Variants in AMD1 observed in about 807,000 individuals in gnomAD.
AMD1 encodes S-adenosylmethionine decarboxylase proenzyme.
A neutral mutation model predicts 40.2 loss-of-function variants in AMD1; 11 were observed. That is an observed-to-expected ratio of 0.27 (90% CI 0.17 to 0.45). AMD1 has a LOEUF of 0.45. AMD1 is among the 20% of genes least tolerant of loss of function. The pLI is 1.00. For synonymous variants in AMD1, 121 were observed against 130.8 expected, an observed-to-expected ratio of 0.93 and a Z score of 0.51; for missense variants, 257 against 410.2, an observed-to-expected ratio of 0.63 and a Z score of 3.23.
At chr6:110,815,168 G>T in the AMD1 span, 4 of 1,557,020 alleles carry the variant, frequency 2.6e-6, no homozygotes, top group South Asian at 3.5e-5. Flanking sequence ...CACGGGACGC[G>T]GGGGCCGCCG....
chr6:110,881,754 G>A lies in AMD1; in HGVS notation c.111-5751G>A, dbSNP rs146056462. Among the ~76,000 whole-genome samples the A allele has an allele frequency of 4.1e-3, 617 of 152,076 alleles. 6 individuals carry two copies. The highest frequency in any genetic ancestry group is 0.014 in the African/African-American group (576 of 41,462). On this transcript the variant is annotated intron_variant, in intron 1 of 8. Transcript: ENST00000368885. The stretch of plus-strand genomic sequence containing the variant: ...GCAGGAGACTTGCTTGAACCTGGGA[G>A]GCGGAGTTTGCAGTGAGCTGATAGC...
At chr6:110,857,550 A>C in the AMD1 span, among the ~76,000 whole-genome samples, 1 of 148,564 alleles carries the variant, frequency 6.7e-6, no homozygotes, top group African/African-American at 2.5e-5. Flanking sequence ...AGTTATATAT[A>C]TATAGATGGT....
chr6:110,825,797 A>T, the AMD1 span, among the ~76,000 whole-genome samples: 1 of 152,150 alleles, frequency 6.6e-6, no homozygotes, highest in African/African-American at 2.4e-5. Flanking sequence ...GTGTTCAGAA[A>T]ACAGATTCTA....
the AMD1 span, among the ~76,000 whole-genome samples, chr6:110,821,917 T>G: frequency 6.6e-6 from 1 of 152,058 alleles, no homozygotes; most frequent in African/African-American, 2.4e-5. Flanking sequence ...GAAATAGAGA[T>G]ACAAGAATAA....
chr6:110,860,411 A>G, the AMD1 span, among the ~76,000 whole-genome samples: 2 of 152,366 alleles, frequency 1.3e-5, no homozygotes, highest in South Asian at 2.1e-4. Flanking sequence ...TCAAATAAGA[A>G]GAGTGCAGAA....
intron 1 of AMD1, among the ~76,000 whole-genome samples, chr6:110,886,366 T>C (rs954731222): frequency 6.6e-6 from 1 of 152,094 alleles, no homozygotes; most frequent in African/African-American, 2.4e-5. Context: ...CTCCTGAGCT[T>C]AAGCCATCCC....
At chr6:110,881,824 C>CAAAA (rs11436863) in intron 1 of AMD1, among the ~76,000 whole-genome samples, 1 of 138,874 alleles carries the variant, frequency 7.2e-6, no homozygotes, top group African/African-American at 2.6e-5. Context: ...GACTGCATCT[C>CAAAA]AAAAAAAAAA....
At chr6:110,863,107 G>A in the AMD1 span, among the ~76,000 whole-genome samples, 12 of 151,864 alleles carry the variant, frequency 7.9e-5, no homozygotes, top group African/African-American at 2.9e-4. Flanking sequence ...ACCACGCCCG[G>A]CTAATTTTTT....
rs996024460 is a variant in AMD1, at chr6:110,892,636, C to T, written c.616-99C>T. ...AGCCTAGTACCCATTAGTTATTTTT[C>T]CTGGTCCTCTCCCTTCTCCCACCCT... On this transcript the variant is annotated intron_variant, in intron 6 of 8. Transcript: ENST00000368885. 10 of 1,452,318 alleles carry T rather than the reference C, an allele frequency of 6.9e-6. No homozygotes were observed. In the African/African-American group the frequency reaches 1.4e-4, roughly 20 times the overall value. The allele number at this position is 1,452,318 out of a possible 1,614,324, so 90.0% of individuals were successfully genotyped here.
the AMD1 span, among the ~76,000 whole-genome samples, chr6:110,819,956 C>T: frequency 1.3e-5 from 2 of 152,168 alleles, no homozygotes; most frequent in Admixed American, 6.5e-5. Flanking sequence ...CTACCAGTGC[C>T]ATGACAGTTT....
At chr6:110,860,070 G>A in the AMD1 span, among the ~76,000 whole-genome samples, 2 of 151,994 alleles carry the variant, frequency 1.3e-5, no homozygotes, top group Admixed American at 6.6e-5. Flanking sequence ...CAGGTGATCC[G>A]CCCACCTTGG....
At chr6:110,880,790 A>G (rs968827422) in intron 1 of AMD1, among the ~76,000 whole-genome samples, 2 of 152,140 alleles carry the variant, frequency 1.3e-5, no homozygotes, top group African/African-American at 4.8e-5. Flanking sequence ...CTCCTGCCTC[A>G]GCCTCACGAG....
the AMD1 span, among the ~76,000 whole-genome samples, chr6:110,856,173 GT>G: frequency 0.088 from 13,325 of 152,198 alleles, 726 homozygotes; most frequent in Middle Eastern, 0.13. Flanking sequence ...AGATGTCAAA[GT>G]TGTCAGACCA....
intron 1 of AMD1, among the ~76,000 whole-genome samples, chr6:110,883,714 C>T (rs1251599675): frequency 1.3e-5 from 2 of 152,116 alleles, no homozygotes; most frequent in African/African-American, 2.4e-5. Flanking sequence ...GCCGCAGCCA[C>T]CCAAGTAGCT....
chr6:110,875,949 T>TG (rs1244239451), intron 1 of AMD1, among the ~76,000 whole-genome samples: 4 of 152,064 alleles, frequency 2.6e-5, no homozygotes, highest in Non-Finnish European at 4.4e-5. Flanking sequence ...CTGAGGCCGC[T>TG]GGGGGCTGCT....
chr6:110,824,060 G>C, the AMD1 span, among the ~76,000 whole-genome samples: 1 of 152,060 alleles, frequency 6.6e-6, no homozygotes, highest in South Asian at 2.1e-4. Flanking sequence ...AACAATTCCT[G>C]TACTGAGTAT....
At chr6:110,842,392 T>C in the AMD1 span, among the ~76,000 whole-genome samples, 3 of 152,202 alleles carry the variant, frequency 2.0e-5, no homozygotes, top group Admixed American at 6.6e-5. Flanking sequence ...TTAATGTCCA[T>C]TATAAAACAT....
At chr6:110,815,966 G>A in the AMD1 span, 1 of 152,300 alleles carries the variant, frequency 6.6e-6, no homozygotes, top group Admixed American at 6.5e-5. Flanking sequence ...CCTCGTTGGT[G>A]CGTGGGTATC....
chr6:110,854,700 G>A, the AMD1 span, among the ~76,000 whole-genome samples: 5 of 152,034 alleles, frequency 3.3e-5, no homozygotes, highest in African/African-American at 1.2e-4. Context: ...CACCAGCCTC[G>A]GCCTCCCAAA....
Sources: gnomAD v4.1 joint callset for allele counts (sites outside exome capture counted in the v4.1 genomes callset) on GRCh38, gnomAD v4.1.1 for gene constraint, MANE v1.5 for transcripts, NCBI Gene and HGNC (gene_info 2026-07-23, HGNC 2026-07-21) for gene names.